The following CLVS1 variants were observed in gnomAD, a reference collection of about 807,000 sequenced individuals.
The protein encoded by CLVS1 is clavesin-1.
A neutral mutation model predicts 33.1 loss-of-function variants in CLVS1; 10 were observed. The ratio of observed to expected loss-of-function variants is 0.30; its 90% confidence interval spans 0.19 to 0.51. CLVS1 has a LOEUF of 0.51. CLVS1 is among the 20% of genes least tolerant of loss of function. The pLI, the probability that CLVS1 is intolerant of heterozygous loss-of-function variation, is 0.97. For synonymous variants in CLVS1, 163 were observed against 166.1 expected, an observed-to-expected ratio of 0.98 and a Z score of 0.14; for missense variants, 343 against 433.4, an observed-to-expected ratio of 0.79 and a Z score of 1.85.
chr8:61,473,508 A>G (rs544690017), intron 5 of CLVS1, among the ~76,000 whole-genome samples: 1 of 152,316 alleles, frequency 6.6e-6, no homozygotes, highest in Non-Finnish European at 1.5e-5. Context: ...AAGTTTTTGC[A>G]AATGAGTGCA....
chr8:61,183,795 T>G (rs1807288384), intron 2 of CLVS1, among the ~76,000 whole-genome samples: 1 of 152,172 alleles, frequency 6.6e-6, no homozygotes, highest in African/African-American at 2.4e-5. Context: ...CCACCCCGAA[T>G]GAGTAAGTAG....
chr8:61,211,929 C>T (rs1807978731), intron 2 of CLVS1, among the ~76,000 whole-genome samples: 1 of 152,124 alleles, frequency 6.6e-6, no homozygotes, highest in Non-Finnish European at 1.5e-5. Flanking sequence ...AGGAAGGGGC[C>T]ACAAGTGAAG....
At chr8:61,201,584 T>G (rs1357383357) in intron 2 of CLVS1, among the ~76,000 whole-genome samples, 1 of 152,228 alleles carries the variant, frequency 6.6e-6, no homozygotes, top group Non-Finnish European at 1.5e-5. Context: ...AATAAAAGGC[T>G]GATTTGGTCA....
At chr8:61,480,567 C>T (rs1299673382) in intron 5 of CLVS1, among the ~76,000 whole-genome samples, 1 of 151,944 alleles carries the variant, frequency 6.6e-6, no homozygotes, top group African/African-American at 2.4e-5. Flanking sequence ...TTGGCTCATG[C>T]ATGGTGTGCT....
At chr8:61,338,285 A>C (rs1342043270) in intron 2 of CLVS1, among the ~76,000 whole-genome samples, 1 of 152,220 alleles carries the variant, frequency 6.6e-6, no homozygotes. Flanking sequence ...AAATGGAAAA[A>C]AAAAGAGGCT....
intron 2 of CLVS1, among the ~76,000 whole-genome samples, chr8:61,307,041 A>G (rs1410435489): frequency 6.6e-6 from 1 of 152,200 alleles, no homozygotes; most frequent in Non-Finnish European, 1.5e-5. Flanking sequence ...TATTCTCAAG[A>G]TATAAGAAAT....
intron 2 of CLVS1, among the ~76,000 whole-genome samples, chr8:61,338,456 G>T (rs1811884597): frequency 1.3e-5 from 2 of 152,192 alleles, no homozygotes; most frequent in Non-Finnish European, 2.9e-5. Context: ...CGTAGGCACA[G>T]GGTGGAGTCT....
At chr8:61,223,263 T>C (rs773818406) in intron 2 of CLVS1, among the ~76,000 whole-genome samples, 2 of 152,210 alleles carry the variant, frequency 1.3e-5, no homozygotes, top group African/African-American at 2.4e-5. Flanking sequence ...GTGCTGTTTC[T>C]TCATAGTGTC....
chr8:61,243,113 T>C (rs2129314583), intron 2 of CLVS1, among the ~76,000 whole-genome samples: 1 of 152,374 alleles, frequency 6.6e-6, no homozygotes, highest in South Asian at 2.1e-4. Flanking sequence ...AGAAGAGTAT[T>C]CATTTAATTT....
chr8:61,445,966 G>T (rs900521315), intron 3 of CLVS1, among the ~76,000 whole-genome samples: 1 of 151,924 alleles, frequency 6.6e-6, no homozygotes, highest in African/African-American at 2.4e-5. Flanking sequence ...TAGTATTCCC[G>T]GCTTATCCTT....
intron 2 of CLVS1, among the ~76,000 whole-genome samples, chr8:61,207,998 G>C (rs538184841): frequency 6.6e-6 from 1 of 152,192 alleles, no homozygotes; most frequent in Non-Finnish European, 1.5e-5. Context: ...AGATAAAAGC[G>C]AGGAGCAAAT....
At chr8:61,000,916 G>A in the CLVS1 span, among the ~76,000 whole-genome samples, 1 of 152,130 alleles carries the variant, frequency 6.6e-6, no homozygotes, top group African/African-American at 2.4e-5. Flanking sequence ...TTGGGGAGTG[G>A]AGTTCAAATC....
chr8:60,997,129 G>A, the CLVS1 span, among the ~76,000 whole-genome samples: 2 of 152,142 alleles, frequency 1.3e-5, no homozygotes, highest in Non-Finnish European at 2.9e-5. Context: ...TTTTCTTGAT[G>A]GATGGATTTG....
At chr8:61,277,582 T>G (rs1007164826) in intron 2 of CLVS1, among the ~76,000 whole-genome samples, 5 of 152,164 alleles carry the variant, frequency 3.3e-5, no homozygotes, top group Non-Finnish European at 7.3e-5. Flanking sequence ...AAGCTAGGCC[T>G]GCTAGGTGCT....
At chr8:61,298,507 T>C (rs1471114610) in intron 1 of CLVS1, among the ~76,000 whole-genome samples, 1 of 152,172 alleles carries the variant, frequency 6.6e-6, no homozygotes, top group Non-Finnish European at 1.5e-5. Flanking sequence ...TTGTCTCTCT[T>C]AAGAAATTAC....
At chr8:61,477,714 G>C (rs539376328) in intron 5 of CLVS1, among the ~76,000 whole-genome samples, 54 of 152,060 alleles carry the variant, frequency 3.6e-4, no homozygotes, top group African/African-American at 6.5e-4. Flanking sequence ...TCTTGCTAGT[G>C]GTCTATCAAT....
At chr8:61,219,220 T>C (rs940357147) in intron 2 of CLVS1, among the ~76,000 whole-genome samples, 4 of 152,178 alleles carry the variant, frequency 2.6e-5, no homozygotes, top group African/African-American at 9.6e-5. Flanking sequence ...GCGCAGAACA[T>C]GCAGGTCTGT....
intron 3 of CLVS1, among the ~76,000 whole-genome samples, chr8:61,386,514 A>G (rs57487206): frequency 0.67 from 102,057 of 152,012 alleles, 35,278 homozygotes; most frequent in Non-Finnish European, 0.75. Context: ...AAAGAGTACT[A>G]TGACTGATTC....
At chr8:61,349,032 T>A (rs1466602959) in intron 2 of CLVS1, among the ~76,000 whole-genome samples, 1 of 152,156 alleles carries the variant, frequency 6.6e-6, no homozygotes, top group Non-Finnish European at 1.5e-5. Flanking sequence ...TTTTGAGAAA[T>A]GTTTATTCAG....
Sources: allele counts gnomAD v4.1 joint callset (sites outside exome capture counted in the v4.1 genomes callset), GRCh38; gene constraint gnomAD v4.1.1; transcripts MANE v1.5; gene names NCBI Gene and HGNC (gene_info 2026-07-23, HGNC 2026-07-21).